The following GIGYF2 variants were observed in gnomAD, a reference collection of about 807,000 sequenced individuals.
GIGYF2 encodes the protein GRB10-interacting GYF protein 2.
In GIGYF2, 25 loss-of-function variants were observed where a neutral mutation model predicts 208.1. That is an observed-to-expected ratio of 0.12 (90% confidence interval 0.09 to 0.17). The LOEUF (loss-of-function observed/expected upper bound fraction) is 0.17. GIGYF2 is among the 10% of genes least tolerant of loss of function. The probability of loss-of-function intolerance (pLI) is 1.00; values close to 1 mark genes in which losing one functional copy is unlikely to be tolerated. For synonymous variants in GIGYF2, 534 were observed against 543.8 expected, an observed-to-expected ratio of 0.98 and a Z score of 0.25; for missense variants, 1,302 against 1,579.4, an observed-to-expected ratio of 0.82 and a Z score of 2.98.
In GIGYF2 at chr2:232,827,000, T is replaced by G. The variant is rs1358114334; in HGVS notation, c.2530-5857T>G. ...ATTTTTTTAAGCAACAGATTTTCAATGTAGGTGAAACAGCCTTCTAATAAA... is the reference window on the plus strand; with the variant it reads ...ATTTTTTTAAGCAACAGATTTTCAAGGTAGGTGAAACAGCCTTCTAATAAA... On this transcript the variant is annotated intron_variant, in intron 21 of 28. Coordinates refer to ENST00000373563, the MANE Select transcript of GIGYF2 (RefSeq NM_001103146.3). 7.9e-5 allele frequency among the ~76,000 whole-genome samples: 12 copies of G among 152,288 alleles called. No individual in the cohort carries two copies. The East Asian group carries it at 2.1e-3, about 27-fold the overall frequency.
At chr2:232,828,012 A>G (rs995033244) in intron 21 of GIGYF2, among the ~76,000 whole-genome samples, 8 of 151,840 alleles carry the variant, frequency 5.3e-5, no homozygotes, top group African/African-American at 1.9e-4. Flanking sequence ...TTTTTGAGAC[A>G]GGGTCTCACT....
At chr2:232,816,276 T>C (rs1289088184) in intron 19 of GIGYF2, among the ~76,000 whole-genome samples, 1 of 152,236 alleles carries the variant, frequency 6.6e-6, no homozygotes, top group African/African-American at 2.4e-5. Flanking sequence ...CCTAGTGTCA[T>C]TGTAATGATT....
At chr2:232,832,701 A>G (rs1358682781) in intron 21 of GIGYF2, among the ~76,000 whole-genome samples, 156 bp from the exon 22 acceptor site, 2 of 152,222 alleles carry the variant, frequency 1.3e-5, no homozygotes, top group Non-Finnish European at 2.9e-5. Flanking sequence ...ATATATTTTA[A>G]AAGAAAGGTT....
Position 232,813,081 on chromosome 2 carries a change from T to C in GIGYF2, c.2107+590T>C, listed in dbSNP as rs116767675. 5.1e-3 allele frequency among the ~76,000 whole-genome samples: 781 copies of C among 152,172 alleles called. 4 individuals carry two copies. Among genetic ancestry groups the C allele is most frequent in the African/African-American group, 0.018 (756 of 41,546 alleles). ...TGGGAAAAGAAAAACCTGCTATGAA[T>C]TGAGCACCTTTTCTCATTTTTATAT... On this transcript the variant is annotated intron_variant, in intron 18 of 28. Coordinates refer to ENST00000373563, the MANE Select transcript of GIGYF2 (RefSeq NM_001103146.3).
At chr2:232,782,844 A>T (rs990856293) in intron 8 of GIGYF2, 2 of 152,216 alleles carry the variant, frequency 1.3e-5, no homozygotes, top group African/African-American at 4.8e-5. Flanking sequence ...AGAAATTAGG[A>T]TAGTGTTTAT....
intron 12 of GIGYF2, among the ~76,000 whole-genome samples, chr2:232,793,953 A>C (rs1176064803): frequency 6.6e-6 from 1 of 152,188 alleles, no homozygotes; most frequent in Non-Finnish European, 1.5e-5. Context: ...TTTACTGGAA[A>C]GGTGAGAGTA....
intron 8 of GIGYF2, chr2:232,768,911 T>C: frequency 9.2e-7 from 1 of 1,083,076 alleles, no homozygotes; most frequent in Non-Finnish European, 1.3e-6. Context: ...ACACATTTCT[T>C]GGTGCCATGC....
At chr2:232,699,477 C>T (rs1695748557) in intron 1 of GIGYF2, among the ~76,000 whole-genome samples, 1 of 152,146 alleles carries the variant, frequency 6.6e-6, no homozygotes, top group Non-Finnish European at 1.5e-5. Context: ...CAGCAGCCAG[C>T]CTCCCCAACC....
chr2:232,823,424 C>G (rs1419148992), intron 21 of GIGYF2, among the ~76,000 whole-genome samples: 1 of 149,012 alleles, frequency 6.7e-6, no homozygotes, highest in Non-Finnish European at 1.5e-5. Context: ...GCAGTCTTGG[C>G]TCACTACAGC....
At chr2:232,796,333 C>T (rs1700221753) in intron 14 of GIGYF2, 112 bp downstream of exon 14, 2 of 755,174 alleles carry the variant, frequency 2.6e-6, no homozygotes, top group South Asian at 1.4e-5. Context: ...TCAACAAGCA[C>T]ACACGCGCGC....
intron 21 of GIGYF2, among the ~76,000 whole-genome samples, chr2:232,823,124 T>A (rs1701145102): frequency 6.6e-6 from 1 of 152,082 alleles, no homozygotes; most frequent in Non-Finnish European, 1.5e-5. Context: ...ATTCTGCTTA[T>A]ATGGTGAATT....
Position 232,769,026 on chromosome 2 carries a change from A to G in GIGYF2, c.532+7590A>G, listed in dbSNP as rs1044480. Among the ~76,000 whole-genome samples, 51,702 of 152,066 alleles carry G rather than the reference A, an allele frequency of 0.34. 9,097 individuals are homozygous for G. The highest frequency in any genetic ancestry group is 0.62 in the South Asian group (3,003 of 4,822). ...TGTTTAAAAACCATGATTTCAGAAT[A>G]GATAAGCAAAATGATTTTGTTACAG... On this transcript the variant is annotated intron_variant, in intron 8 of 28. Transcript: ENST00000373563.
chr2:232,840,105 C>A, intron 23 of GIGYF2, 134 bp downstream of exon 23: 1 of 954,096 alleles, frequency 1.0e-6, no homozygotes, highest in Non-Finnish European at 1.6e-6. Context: ...CATTATTAAA[C>A]TTCAGCCCAT....
At chr2:232,756,031 T>C (rs1194349056) in intron 5 of GIGYF2, among the ~76,000 whole-genome samples, 192 bp from the exon 6 acceptor site, 3 of 152,232 alleles carry the variant, frequency 2.0e-5, no homozygotes, top group East Asian at 1.9e-4. Context: ...TTTGCAATTA[T>C]CAGGTAAAAT....
chr2:232,819,294 C>T (rs1341611937), intron 20 of GIGYF2, among the ~76,000 whole-genome samples: 1 of 152,172 alleles, frequency 6.6e-6, no homozygotes, highest in Non-Finnish European at 1.5e-5. Context: ...TATAAATGAT[C>T]TCAACAATGG....
chr2:232,710,210 C>T (rs537523909), intron 2 of GIGYF2, among the ~76,000 whole-genome samples: 9 of 151,970 alleles, frequency 5.9e-5, no homozygotes, highest in South Asian at 2.1e-4. Flanking sequence ...CCGTCTGTCT[C>T]GGCCTCCCAA....
Position 232,760,609 on chromosome 2 carries a change from T to C in GIGYF2, c.491+18T>C, listed in dbSNP as rs767317038. The C allele has an allele frequency of 1.3e-6, 2 of 1,507,308 alleles. No individual in the cohort carries two copies. Among genetic ancestry groups the C allele is most frequent in the Non-Finnish European group, 1.8e-6 (2 of 1,083,162 alleles). 93.4% of individuals were successfully genotyped at this position (1,507,308 alleles called of 1,614,324 possible). ...GAGGAAAGGTAACTGGATCCACATA[T>C]TGGCATAAAAATTTCTTGGCATATA... On this transcript the variant is annotated intron_variant, in intron 7 of 28. Coordinates refer to ENST00000373563, the MANE Select transcript of GIGYF2 (RefSeq NM_001103146.3).
intron 1 of GIGYF2, among the ~76,000 whole-genome samples, chr2:232,697,794 A>G (rs1574751011): frequency 2.6e-5 from 4 of 152,224 alleles, no homozygotes; most frequent in African/African-American, 9.6e-5. Context: ...TCTCCGCGCC[A>G]GACACCCGCC....
At chr2:232,697,579 G>A (rs1426259360) in intron 1 of GIGYF2, among the ~76,000 whole-genome samples, 187 bp downstream of exon 1, 5 of 152,214 alleles carry the variant, frequency 3.3e-5, no homozygotes, top group African/African-American at 1.2e-4. Context: ...CGACGGGACA[G>A]GTCAGGTGCA....
Sources: gnomAD v4.1 joint callset for allele counts (sites outside exome capture counted in the v4.1 genomes callset) on GRCh38, gnomAD v4.1.1 for gene constraint, MANE v1.5 for transcripts, NCBI Gene and HGNC (gene_info 2026-07-23, HGNC 2026-07-21) for gene names.